The following GALNT17 variants were observed in gnomAD, a reference collection of about 807,000 sequenced individuals.
GALNT17 encodes the protein polypeptide N-acetylgalactosaminyltransferase 17.
A neutral mutation model predicts 63.7 loss-of-function variants in GALNT17; 29 were observed. That is an observed-to-expected ratio of 0.46 (90% CI 0.34 to 0.62). The LOEUF is 0.62. GALNT17 is among the 20% of genes least tolerant of loss of function. GALNT17 has a pLI of 0.01. For missense variants in GALNT17, 603 were observed against 799.6 expected, an observed-to-expected ratio of 0.75 and a Z score of 2.97; for synonymous variants, 305 against 318.3, an observed-to-expected ratio of 0.96 and a Z score of 0.45.
intron 2 of GALNT17, among the ~76,000 whole-genome samples, chr7:71,352,367 C>G (rs907966115): frequency 3.3e-5 from 5 of 152,026 alleles, no homozygotes; most frequent in African/African-American, 1.2e-4. Flanking sequence ...TGAAAAAGAA[C>G]TAATATACAT....
chr7:71,537,387 G>C (rs1383070588), intron 5 of GALNT17, among the ~76,000 whole-genome samples: 1 of 152,124 alleles, frequency 6.6e-6, no homozygotes, highest in Non-Finnish European at 1.5e-5. Flanking sequence ...GAAAGAGGAG[G>C]GCTTCGCAGA....
chr7:71,584,048 C>T (rs529651525), intron 6 of GALNT17, among the ~76,000 whole-genome samples: 36 of 152,272 alleles, frequency 2.4e-4, no homozygotes, highest in African/African-American at 6.5e-4. Context: ...AGGAGAATCA[C>T]TTGAACCTGG....
At chr7:71,569,411 T>TC (rs1789401068) in intron 5 of GALNT17, among the ~76,000 whole-genome samples, 1 of 152,302 alleles carries the variant, frequency 6.6e-6, no homozygotes, top group East Asian at 1.9e-4. Flanking sequence ...AGGTAGTTTT[T>TC]CAACTCTCCC....
chr7:71,146,659 A>G lies in GALNT17; in HGVS notation c.238+13619A>G, dbSNP rs116953545. Among the ~76,000 whole-genome samples, 93 of 152,184 alleles carry G rather than the reference A, an allele frequency of 6.1e-4. 4 individuals are homozygous for G. The East Asian group carries it at 0.014, about 23-fold the overall frequency. On this transcript the variant is annotated intron_variant, in intron 1 of 10. Coordinates refer to ENST00000333538, the MANE Select transcript of GALNT17 (RefSeq NM_022479.3). ...CACTTAGAATAAATGCAGGACTCAC[A>G]GGGGCTGAAAGATCTTCCTCTCCCC...
At chr7:71,519,308 C>A (rs1042000849) in intron 5 of GALNT17, among the ~76,000 whole-genome samples, 1 of 152,206 alleles carries the variant, frequency 6.6e-6, no homozygotes, top group Non-Finnish European at 1.5e-5. Flanking sequence ...TTCATCCAAT[C>A]ATTCATTTAT....
chr7:71,290,904 G>A (rs556719610), intron 1 of GALNT17, among the ~76,000 whole-genome samples: 1 of 152,104 alleles, frequency 6.6e-6, no homozygotes. Flanking sequence ...TCTCTGCCTC[G>A]CTCTGTGACC....
chr7:71,325,926 T>C (rs1791697052), intron 1 of GALNT17, among the ~76,000 whole-genome samples: 1 of 152,214 alleles, frequency 6.6e-6, no homozygotes, highest in African/African-American at 2.4e-5. Context: ...AAACATATAT[T>C]TTACAGCCTC....
chr7:71,245,180 C>G (rs998905256), intron 1 of GALNT17, among the ~76,000 whole-genome samples: 2 of 152,098 alleles, frequency 1.3e-5, no homozygotes, highest in South Asian at 4.1e-4. Flanking sequence ...TCCATCCACT[C>G]GCTTGGTGGA....
At chr7:71,280,433 C>T (rs1790760130) in intron 1 of GALNT17, among the ~76,000 whole-genome samples, 1 of 152,136 alleles carries the variant, frequency 6.6e-6, no homozygotes, top group Admixed American at 6.6e-5. Flanking sequence ...TTTCCACCTT[C>T]ACCAAGAGAG....
chr7:71,458,224 C>T (rs1291262925), intron 5 of GALNT17, among the ~76,000 whole-genome samples: 1 of 152,176 alleles, frequency 6.6e-6, no homozygotes, highest in Non-Finnish European at 1.5e-5. Context: ...TTGTTTGCTC[C>T]AGAACATAGA....
chr7:71,536,615 C>T (rs1281445413), intron 5 of GALNT17, among the ~76,000 whole-genome samples: 1 of 152,136 alleles, frequency 6.6e-6, no homozygotes, highest in Admixed American at 6.5e-5. Context: ...TTATTCACTA[C>T]CATGAGAACA....
At chr7:71,667,765 T>C (rs1791006038) in intron 7 of GALNT17, among the ~76,000 whole-genome samples, 1 of 151,710 alleles carries the variant, frequency 6.6e-6, no homozygotes, top group Non-Finnish European at 1.5e-5. Context: ...TGTGAAATAG[T>C]GAAATAGGTA....
At chr7:71,696,397 G>A (rs765637324) in intron 9 of GALNT17, among the ~76,000 whole-genome samples, 6 of 152,158 alleles carry the variant, frequency 3.9e-5, no homozygotes, top group Non-Finnish European at 8.8e-5. Context: ...ACAGGTGTGA[G>A]CCCCTGTGCC....
At position 71,638,992 on chromosome 7, in the gene GALNT17, AT is replaced by A. The variant is rs1398430836; in HGVS notation, c.1081-26418del. 2.0e-5 allele frequency among the ~76,000 whole-genome samples: 3 copies of A among 152,304 alleles called. No homozygotes were observed. In the East Asian group the frequency reaches 5.8e-4, roughly 29 times the overall value. ...ATGGTTAATGGGTAAAAAATAAAAA[AT>A]AAAAAGAATGAATAAGACCTACTAT... On this transcript the variant is annotated intron_variant, in intron 6 of 10. Coordinates refer to ENST00000333538, the MANE Select transcript of GALNT17 (RefSeq NM_022479.3).
intron 5 of GALNT17, among the ~76,000 whole-genome samples, chr7:71,533,268 A>G (rs1788750487): frequency 6.6e-6 from 1 of 152,190 alleles, no homozygotes; most frequent in South Asian, 2.1e-4. Context: ...TGTATAATAA[A>G]TTAGGAAAGG....
chr7:71,575,995 A>G (rs2116888060), intron 6 of GALNT17, among the ~76,000 whole-genome samples: 1 of 152,328 alleles, frequency 6.6e-6, no homozygotes, highest in South Asian at 2.1e-4. Context: ...ATCAGAAACT[A>G]TTAACAAAGG....
Position 71,190,252 on chromosome 7 carries a change from G to A in GALNT17, c.238+57212G>A, listed in dbSNP as rs537424198. On this transcript the variant is annotated intron_variant, in intron 1 of 10. Coordinates refer to ENST00000333538, the MANE Select transcript of GALNT17 (RefSeq NM_022479.3). The stretch of plus-strand genomic sequence containing the variant: ...TCTTGCCAAAGTCTGATTTTGAAAT[G>A]TAATACCAATGCTGGAGTTGGGGCC... Among the ~76,000 whole-genome samples, 5 of 152,316 alleles carry A rather than the reference G, an allele frequency of 3.3e-5. No homozygotes were observed. The South Asian group carries it at 1.0e-3, about 32-fold the overall frequency.
chr7:71,568,931 T>C (rs1398326093), intron 5 of GALNT17, among the ~76,000 whole-genome samples: 1 of 152,158 alleles, frequency 6.6e-6, no homozygotes, highest in Non-Finnish European at 1.5e-5. Context: ...TGCACATATA[T>C]GCATGTGTGG....
intron 1 of GALNT17, among the ~76,000 whole-genome samples, chr7:71,164,503 G>A (rs1161895056): frequency 6.6e-6 from 1 of 152,170 alleles, no homozygotes; most frequent in Non-Finnish European, 1.5e-5. Context: ...ATGAGATTTG[G>A]GTGGGGACAC....
Sources: allele counts gnomAD v4.1 joint callset (sites outside exome capture counted in the v4.1 genomes callset), GRCh38; gene constraint gnomAD v4.1.1; transcripts MANE v1.5; gene names NCBI Gene and HGNC (gene_info 2026-07-23, HGNC 2026-07-21).